The following TEAD1 variants were observed in gnomAD, a reference collection of about 807,000 sequenced individuals.
TEAD1 encodes the protein TEA domain transcription factor 1, also known as transcriptional enhancer factor TEF-1.
Under a neutral mutation model 54.9 loss-of-function variants are expected in TEAD1, and 9 were observed. The ratio of observed to expected loss-of-function variants is 0.16; its 90% CI spans 0.10 to 0.29. TEAD1 has a LOEUF of 0.29. TEAD1 is among the 10% of genes least tolerant of loss of function. The probability of loss-of-function intolerance (pLI) is 1.00; values close to 1 mark genes in which losing one functional copy is unlikely to be tolerated. For synonymous variants in TEAD1, 200 were observed against 187.8 expected, an observed-to-expected ratio of 1.07 and a Z score of -0.53; for missense variants, 387 against 535.9, an observed-to-expected ratio of 0.72 and a Z score of 2.74.
At chr11:12,895,199 A>ACG (rs1564981176) in intron 9 of TEAD1, among the ~76,000 whole-genome samples, 2 of 150,006 alleles carry the variant, frequency 1.3e-5, no homozygotes, top group South Asian at 2.1e-4. Context: ...TCCTTTATTA[A>ACG]CCCCCCCCGG....
At chr11:12,833,781 T>A (rs941838860) in intron 3 of TEAD1, among the ~76,000 whole-genome samples, 6 of 152,220 alleles carry the variant, frequency 3.9e-5, no homozygotes, top group African/African-American at 1.4e-4. Context: ...TTTTTTGTAC[T>A]TAGTATGCTC....
At chr11:12,790,077 C>A (rs1405728053) in intron 3 of TEAD1, among the ~76,000 whole-genome samples, 1 of 152,390 alleles carries the variant, frequency 6.6e-6, no homozygotes, top group East Asian at 1.9e-4. Context: ...TGTTCCTGGA[C>A]TGCTGGCTGG....
chr11:12,757,406 A>G (rs781256183), intron 2 of TEAD1, among the ~76,000 whole-genome samples: 2 of 152,172 alleles, frequency 1.3e-5, no homozygotes, highest in African/African-American at 4.8e-5. Context: ...TATTGTCTCA[A>G]AAGTTACCAT....
intron 9 of TEAD1, among the ~76,000 whole-genome samples, chr11:12,894,832 A>G (rs1316585902): frequency 1.3e-5 from 2 of 152,246 alleles, no homozygotes; most frequent in Non-Finnish European, 2.9e-5. Context: ...GAAAGTAATA[A>G]CAACAGCAAA....
chr11:12,904,912 A>T, intron 10 of TEAD1: 1 of 333,080 alleles, frequency 3.0e-6, no homozygotes, highest in South Asian at 2.7e-5. Context: ...GTCTCCTGGG[A>T]ATTTACTTGA....
chr11:12,929,268 C>T (rs1258879657), intron 11 of TEAD1, among the ~76,000 whole-genome samples: 5 of 149,888 alleles, frequency 3.3e-5, no homozygotes, highest in Admixed American at 2.7e-4. Flanking sequence ...TGTGGTTTTG[C>T]CACTTTTCTT....
chr11:12,781,663 C>T (rs1181862629), intron 3 of TEAD1, among the ~76,000 whole-genome samples: 1 of 146,534 alleles, frequency 6.8e-6, no homozygotes, highest in Admixed American at 6.8e-5. Context: ...AAAAAACAGA[C>T]AATAACAAGT....
chr11:12,705,022 G>A (rs1045820027), intron 2 of TEAD1, among the ~76,000 whole-genome samples: 2 of 152,230 alleles, frequency 1.3e-5, no homozygotes, highest in Non-Finnish European at 2.9e-5. Context: ...ATGAATGAGT[G>A]AGTGGATGAT....
At chr11:12,805,728 CAT>C (rs757084761) in intron 3 of TEAD1, among the ~76,000 whole-genome samples, 9 of 152,252 alleles carry the variant, frequency 5.9e-5, no homozygotes, top group South Asian at 2.1e-4. Context: ...TCTACAGAAT[CAT>C]GTGTGTGATT....
At chr11:12,868,467 C>T (rs1259376568) in intron 5 of TEAD1, among the ~76,000 whole-genome samples, 1 of 152,172 alleles carries the variant, frequency 6.6e-6, no homozygotes, top group Non-Finnish European at 1.5e-5. Flanking sequence ...AGAAAACAGA[C>T]TCCAGGAGAG....
chr11:12,806,855 T>C (rs1034744134), intron 3 of TEAD1, among the ~76,000 whole-genome samples: 1 of 152,196 alleles, frequency 6.6e-6, no homozygotes, highest in Non-Finnish European at 1.5e-5. Context: ...AACTGTGAAA[T>C]TGCCTGTAGG....
At chr11:12,896,430 A>G (rs1948317467) in intron 9 of TEAD1, among the ~76,000 whole-genome samples, 1 of 152,314 alleles carries the variant, frequency 6.6e-6, no homozygotes, top group East Asian at 1.9e-4. Flanking sequence ...CTCCCTGGGA[A>G]CAAGTTGCAA....
intron 3 of TEAD1, among the ~76,000 whole-genome samples, chr11:12,859,892 A>G (rs1259806664): frequency 6.6e-6 from 1 of 152,164 alleles, no homozygotes; most frequent in African/African-American, 2.4e-5. Flanking sequence ...ATATATTGAT[A>G]ATTTATTGTG....
intron 3 of TEAD1, among the ~76,000 whole-genome samples, chr11:12,811,353 G>A (rs542806093): frequency 1.3e-5 from 2 of 152,298 alleles, no homozygotes; most frequent in Admixed American, 6.5e-5. Flanking sequence ...TAACCTATTG[G>A]GAGGCAGATT....
At chr11:12,814,651 C>T (rs566391519) in intron 3 of TEAD1, among the ~76,000 whole-genome samples, 1 of 152,244 alleles carries the variant, frequency 6.6e-6, no homozygotes, top group African/African-American at 2.4e-5. Flanking sequence ...CGCATGTCAT[C>T]TCATTTAATC....
At chr11:12,694,977 C>T (rs990305004) in intron 2 of TEAD1, among the ~76,000 whole-genome samples, 1 of 152,214 alleles carries the variant, frequency 6.6e-6, no homozygotes, top group Admixed American at 6.5e-5. Context: ...GTTTCCAATT[C>T]ATAGCTGGCA....
At chr11:12,910,946 C>CA (rs562253722) in intron 10 of TEAD1, among the ~76,000 whole-genome samples, 232 of 152,212 alleles carry the variant, frequency 1.5e-3, no homozygotes, top group African/African-American at 5.5e-3. Context: ...GGGGTTTCGC[C>CA]ATGTTGGCCA....
chr11:12,855,968 G>A (rs1028070445), intron 3 of TEAD1, among the ~76,000 whole-genome samples: 9 of 151,058 alleles, frequency 6.0e-5, no homozygotes, highest in African/African-American at 1.9e-4. Flanking sequence ...AAAAAGGAGT[G>A]GTGGGGGCAT....
intron 3 of TEAD1, among the ~76,000 whole-genome samples, chr11:12,780,334 C>G (rs1265237028): frequency 6.6e-6 from 1 of 151,222 alleles, no homozygotes; most frequent in Admixed American, 6.6e-5. Flanking sequence ...ACCTCCGCCT[C>G]CCAGGTTCAA....
Sources: gnomAD v4.1 joint callset for allele counts (sites outside exome capture counted in the v4.1 genomes callset) on GRCh38, gnomAD v4.1.1 for gene constraint, MANE v1.5 for transcripts, NCBI Gene and HGNC (gene_info 2026-07-23, HGNC 2026-07-21) for gene names.